Variants in NBEA observed in about 807,000 individuals in gnomAD.
NBEA encodes neurobeachin.
In NBEA, 44 loss-of-function variants were observed where a neutral mutation model predicts 343.4. The ratio of observed to expected loss-of-function variants is 0.13; its 90% CI spans 0.10 to 0.16. The LOEUF is 0.16. Ranked by LOEUF, NBEA falls within the 10% of genes least tolerant of loss-of-function variation. NBEA has a pLI of 1.00. For missense variants in NBEA, 2,555 were observed against 3,631.3 expected, an observed-to-expected ratio of 0.70 and a Z score of 7.62; for synonymous variants, 1,175 against 1,238.7, an observed-to-expected ratio of 0.95 and a Z score of 1.08.
intron 1 of NBEA, among the ~76,000 whole-genome samples, chr13:34,993,767 T>TA (rs1165776175): frequency 1.3e-5 from 2 of 152,246 alleles, no homozygotes; most frequent in Non-Finnish European, 2.9e-5. Context: ...CTTAGTCTGT[T>TA]ACAAAAATTT....
chr13:35,653,520 AG>A (rs2084663066), intron 53 of NBEA, among the ~76,000 whole-genome samples: 1 of 151,912 alleles, frequency 6.6e-6, no homozygotes. Context: ...TAGTAGAGAC[AG>A]GGTTTCACCG....
intron 33 of NBEA, among the ~76,000 whole-genome samples, chr13:35,221,897 C>T (rs983184457): frequency 3.3e-5 from 5 of 152,064 alleles, no homozygotes; most frequent in African/African-American, 7.2e-5. Context: ...GGGAGAAGAG[C>T]GGTCCAGAAA....
intron 10 of NBEA, among the ~76,000 whole-genome samples, chr13:35,096,643 T>C (rs1172047796): frequency 6.6e-6 from 1 of 151,936 alleles, no homozygotes; most frequent in Non-Finnish European, 1.5e-5. Flanking sequence ...ATTTTCCCCC[T>C]AAATCACTAA....
intron 21 of NBEA, among the ~76,000 whole-genome samples, chr13:35,158,478 C>T (rs1263629151): frequency 6.6e-6 from 1 of 151,828 alleles, no homozygotes; most frequent in East Asian, 1.9e-4. Context: ...AATAAAGAAG[C>T]CTAAGTAAAG....
chr13:35,643,594 T>G (rs2084074093), intron 49 of NBEA, among the ~76,000 whole-genome samples: 1 of 152,196 alleles, frequency 6.6e-6, no homozygotes, highest in African/African-American at 2.4e-5. Context: ...CTGCAGAGAT[T>G]CAGTCTGAAC....
At chr13:35,663,173 C>T (rs921901475) in intron 55 of NBEA, among the ~76,000 whole-genome samples, 29 of 152,138 alleles carry the variant, frequency 1.9e-4, no homozygotes, top group African/African-American at 3.4e-4. Context: ...AATTATTAGC[C>T]GTAGTCACCC....
At chr13:35,603,699 G>A (rs1278642868) in intron 47 of NBEA, among the ~76,000 whole-genome samples, 1 of 152,182 alleles carries the variant, frequency 6.6e-6, no homozygotes, top group African/African-American at 2.4e-5. Context: ...TAGGGCATGA[G>A]CACAAATAAC....
At chr13:35,172,127 A>G (rs907667675) in intron 26 of NBEA, among the ~76,000 whole-genome samples, 1 of 152,120 alleles carries the variant, frequency 6.6e-6, no homozygotes, top group African/African-American at 2.4e-5. Flanking sequence ...ACTGCAAGGC[A>G]TGAAATAGGA....
chr13:35,212,152 G>A (rs1044639015), intron 33 of NBEA, among the ~76,000 whole-genome samples: 6 of 152,094 alleles, frequency 3.9e-5, no homozygotes, highest in South Asian at 2.1e-4. Flanking sequence ...CGCCTACTTT[G>A]CACTTTTTTC....
At chr13:35,442,085 A>G (rs1356083772) in intron 39 of NBEA, among the ~76,000 whole-genome samples, 2 of 152,022 alleles carry the variant, frequency 1.3e-5, no homozygotes, top group East Asian at 1.9e-4. Flanking sequence ...ACATATGCTC[A>G]TTATAGGAAA....
chr13:35,329,260 C>A (rs1194882021), intron 36 of NBEA, among the ~76,000 whole-genome samples: 1 of 151,922 alleles, frequency 6.6e-6, no homozygotes, highest in African/African-American at 2.4e-5. Context: ...AAATAGTATA[C>A]CCACTTGGAA....
At chr13:35,432,142 T>A (rs185493346) in intron 38 of NBEA, 127 bp from the exon 39 acceptor site, 111 of 602,270 alleles carry the variant, frequency 1.8e-4, no homozygotes, top group Middle Eastern at 1.4e-3. Context: ...GTGTAAAATA[T>A]AAGTATCTCC....
chr13:35,263,838 C>T (rs1334913334), intron 34 of NBEA, among the ~76,000 whole-genome samples: 1 of 151,846 alleles, frequency 6.6e-6, no homozygotes, highest in Non-Finnish European at 1.5e-5. Flanking sequence ...AAAGATCTCA[C>T]ACAACCTACA....
chr13:35,540,205 T>C (rs1594921225), intron 41 of NBEA, among the ~76,000 whole-genome samples: 1 of 151,942 alleles, frequency 6.6e-6, no homozygotes, highest in Admixed American at 6.6e-5. Flanking sequence ...AACAAAAACC[T>C]CTAACCCAGA....
chr13:35,326,105 T>A (rs2038539813), intron 36 of NBEA, among the ~76,000 whole-genome samples: 2 of 152,136 alleles, frequency 1.3e-5, no homozygotes, highest in South Asian at 4.1e-4. Context: ...TTTGTTCTTC[T>A]TGCTTAGGGT....
At position 35,259,599 on chromosome 13, in the gene NBEA, ACTTATCAAT is replaced by A. The variant is rs146947911; in HGVS notation, c.5776+26983_5776+26991del. 1.0e-2 allele frequency among the ~76,000 whole-genome samples: 1,521 copies of A among 152,288 alleles called. 27 individuals are homozygous for A. The highest frequency in any genetic ancestry group is 0.035 in the African/African-American group (1,448 of 41,580). On this transcript the variant is annotated intron_variant, in intron 34 of 58. Coordinates refer to ENST00000379939, the MANE Select transcript of NBEA (RefSeq NM_001385012.1). ...ACTTATTTTGCTAAATCTCACAAAA[ACTTATCAAT>A]CTAAAATCAATCATTTTTACCCTAA...
chr13:35,118,199 A>C, intron 14 of NBEA, 29 bp from the exon 15 acceptor site: 1 of 1,325,648 alleles, frequency 7.5e-7, no homozygotes. Context: ...TTTTAGATGT[A>C]AAGTAATAAA....
At chr13:35,384,179 T>C (rs1249997272) in intron 38 of NBEA, among the ~76,000 whole-genome samples, 1 of 152,188 alleles carries the variant, frequency 6.6e-6, no homozygotes, top group Non-Finnish European at 1.5e-5. Flanking sequence ...ATGAACAACA[T>C]GAATATTAAT....
At chr13:35,564,992 C>A (rs1419065285) in intron 44 of NBEA, among the ~76,000 whole-genome samples, 1 of 152,158 alleles carries the variant, frequency 6.6e-6, no homozygotes, top group African/African-American at 2.4e-5. Context: ...AACAAACAAC[C>A]CAGCCCTGAC....
Sources: gnomAD v4.1 joint callset for allele counts (sites outside exome capture counted in the v4.1 genomes callset) on GRCh38, gnomAD v4.1.1 for gene constraint, MANE v1.5 for transcripts, NCBI Gene and HGNC (gene_info 2026-07-23, HGNC 2026-07-21) for gene names.